Variants in KCNH8 observed in about 807,000 individuals in gnomAD.
KCNH8 encodes voltage-gated delayed rectifier potassium channel KCNH8.
Under a neutral mutation model 103.6 loss-of-function variants are expected in KCNH8, and 70 were observed. The observed-to-expected ratio is 0.68, with a 90% CI of 0.56 to 0.82. KCNH8 has a LOEUF of 0.82. Ranked by LOEUF, KCNH8 falls within the 40% of genes least tolerant of loss-of-function variation. The pLI, the probability that KCNH8 is intolerant of heterozygous loss-of-function variation, is 0.00. For synonymous variants in KCNH8, 498 were observed against 489.4 expected (o/e 1.02, Z -0.23); for missense variants, 1,217 against 1,329.9 (o/e 0.92, Z 1.32).
At chr3:19,413,929 A>G (rs1225287263) in intron 7 of KCNH8, among the ~76,000 whole-genome samples, 1 of 152,136 alleles carries the variant, frequency 6.6e-6, no homozygotes. Context: ...TTAAGTGTCA[A>G]CCATTGATAT....
rs776722528 is a variant in KCNH8, at chr3:19,496,348, ATTATT to A, written c.2041-14011_2041-14007del. 7.0e-4 allele frequency among the ~76,000 whole-genome samples: 106 copies of A among 152,270 alleles called. No individual in the cohort carries two copies. The Middle Eastern group carries it at 0.014, about 20-fold the overall frequency. The stretch of plus-strand genomic sequence containing the variant: ...TGTGGATTTGTTATAGATGGCTCTT[ATTATT>A]TTAAAGTATATTCCTTCAATGACTA... On this transcript the variant is annotated intron_variant, in intron 11 of 15. Coordinates refer to ENST00000328405, the MANE Select transcript of KCNH8 (RefSeq NM_144633.3).
intron 7 of KCNH8, among the ~76,000 whole-genome samples, chr3:19,421,263 G>C (rs1243486272): frequency 6.6e-6 from 1 of 151,952 alleles, no homozygotes; most frequent in African/African-American, 2.4e-5. Context: ...AAAAATCTTT[G>C]TTTGACCAAA....
At chr3:19,451,050 C>G in intron 9 of KCNH8, 105 bp from the exon 10 acceptor site, 1 of 1,120,774 alleles carries the variant, frequency 8.9e-7, no homozygotes, top group Non-Finnish European at 1.3e-6. Flanking sequence ...GCTGGATGGC[C>G]AAACAGCAGG....
rs1228984395 is a variant in KCNH8 at position 19,533,859 on chromosome 3, A to AACTC, written c.3085_3088dup (p.Leu1030HisfsTer74). 3.7e-6 allele frequency: 6 copies of AACTC among 1,614,038 alleles called. No homozygotes were observed. The highest frequency in any genetic ancestry group is 5.1e-6 in the Non-Finnish European group (6 of 1,180,002). Reference sequence around the variant, plus strand: ...TGACGCCTCTGCAGTCCATTTCAGCAACTCTCTCATCTTCTGTCTGCTCCT... The same window carrying AACTC: ...TGACGCCTCTGCAGTCCATTTCAGCAACTCACTCTCTCATCTTCTGTCTGCTCCT... On this transcript the variant is annotated frameshift_variant, in exon 16 of 16. Transcript: ENST00000328405. LOFTEE classifies it high-confidence loss of function.
chr3:19,487,267 C>T (rs2068230161), intron 11 of KCNH8, among the ~76,000 whole-genome samples: 1 of 152,148 alleles, frequency 6.6e-6, no homozygotes, highest in Non-Finnish European at 1.5e-5. Flanking sequence ...CTTTTAAGTC[C>T]AGACAGGTAA....
chr3:19,354,089 AACAG>A (rs1463100279), intron 5 of KCNH8, among the ~76,000 whole-genome samples: 3 of 151,300 alleles, frequency 2.0e-5, no homozygotes, highest in African/African-American at 7.3e-5. Context: ...ATACACCAAT[AACAG>A]ACAGAGAGCC....
At chr3:19,158,424 A>G (rs1158392640) in intron 1 of KCNH8, among the ~76,000 whole-genome samples, 1 of 151,666 alleles carries the variant, frequency 6.6e-6, no homozygotes, top group Non-Finnish European at 1.5e-5. Context: ...TATTTGACTA[A>G]TTGTACTTAT....
chr3:19,470,209 A>T (rs1479715726), intron 11 of KCNH8, among the ~76,000 whole-genome samples: 1 of 152,184 alleles, frequency 6.6e-6, no homozygotes, highest in African/African-American at 2.4e-5. Flanking sequence ...TATAGCATTA[A>T]AAGAAGGGGA....
chr3:19,386,089 C>T (rs550959271), intron 5 of KCNH8, among the ~76,000 whole-genome samples: 2 of 152,080 alleles, frequency 1.3e-5, no homozygotes, highest in Non-Finnish European at 2.9e-5. Flanking sequence ...TTTCTAGTTA[C>T]ATAGTTCTTG....
intron 1 of KCNH8, among the ~76,000 whole-genome samples, chr3:19,242,590 A>G (rs2064156284): frequency 6.6e-6 from 1 of 152,192 alleles, no homozygotes; most frequent in Non-Finnish European, 1.5e-5. Flanking sequence ...ATAGAAATCA[A>G]TTATATACTT....
chr3:19,181,439 T>A (rs2125202643), intron 1 of KCNH8, among the ~76,000 whole-genome samples: 1 of 152,136 alleles, frequency 6.6e-6, no homozygotes, highest in African/African-American at 2.4e-5. Flanking sequence ...AAAACAAGCT[T>A]GGGTTTCTGA....
intron 1 of KCNH8, among the ~76,000 whole-genome samples, chr3:19,175,261 A>G (rs1468590425): frequency 1.4e-4 from 20 of 144,264 alleles, no homozygotes; most frequent in Admixed American, 2.1e-4. Flanking sequence ...TCGCTCTGTC[A>G]CCCAGGCTGG....
In KCNH8 at chr3:19,245,894, G is replaced by C. The variant is rs146274856; in HGVS notation, c.77-7760G>C. The stretch of plus-strand genomic sequence containing the variant: ...AGTAATATCATTAGCAAAGGAGATA[G>C]TTTGACTTATTTTCCCATTTGAATA... On this transcript the variant is annotated intron_variant, in intron 1 of 15. Coordinates refer to ENST00000328405, the MANE Select transcript of KCNH8 (RefSeq NM_144633.3). Among the ~76,000 whole-genome samples, 127 of 152,240 alleles carry C rather than the reference G, an allele frequency of 8.3e-4. 2 individuals carry two copies. In the East Asian group the frequency reaches 0.022, roughly 27 times the overall value.
intron 7 of KCNH8, among the ~76,000 whole-genome samples, chr3:19,413,307 C>T (rs1045127172): frequency 3.3e-5 from 5 of 151,748 alleles, no homozygotes; most frequent in Admixed American, 2.6e-4. Flanking sequence ...TACATGTTCT[C>T]ATAAGTAGGA....
At chr3:19,412,303 C>T (rs545829352) in intron 7 of KCNH8, among the ~76,000 whole-genome samples, 152 of 152,044 alleles carry the variant, frequency 1.0e-3, no homozygotes, top group African/African-American at 3.5e-3. Flanking sequence ...AAAAGACTCC[C>T]TATTCAGTAA....
At chr3:19,287,636 A>T (rs1575497109) in intron 3 of KCNH8, among the ~76,000 whole-genome samples, 1 of 152,156 alleles carries the variant, frequency 6.6e-6, no homozygotes, top group East Asian at 1.9e-4. Context: ...GCCAGGCTGG[A>T]GTGCAGTGGC....
chr3:19,389,151 C>G (rs1244828498), intron 5 of KCNH8, among the ~76,000 whole-genome samples: 1 of 152,126 alleles, frequency 6.6e-6, no homozygotes, highest in Admixed American at 6.6e-5. Flanking sequence ...TGCTGCATAG[C>G]AAACTTATCA....
intron 2 of KCNH8, among the ~76,000 whole-genome samples, chr3:19,279,433 T>G (rs900557764): frequency 3.3e-5 from 5 of 152,098 alleles, no homozygotes; most frequent in Non-Finnish European, 7.4e-5. Context: ...TCGACTTCCC[T>G]ATCGTTTCAT....
chr3:19,234,286 A>T lies in KCNH8; in HGVS notation c.77-19368A>T, dbSNP rs533647250. The stretch of plus-strand genomic sequence containing the variant: ...TGCCAGTCCCGCGCTGTGGGCCGGC[A>T]CTCCTCAGGCCTTGGGTGGTCCATG... On this transcript the variant is annotated intron_variant, in intron 1 of 15. Transcript: ENST00000328405. Among the ~76,000 whole-genome samples, 149 of 151,946 alleles carry T rather than the reference A, an allele frequency of 9.8e-4. 2 individuals are homozygous for T. The East Asian group carries it at 0.027, about 27-fold the overall frequency.
Sources: gnomAD v4.1 joint callset for allele counts (sites outside exome capture counted in the v4.1 genomes callset) on GRCh38, gnomAD v4.1.1 for gene constraint, MANE v1.5 for transcripts, NCBI Gene and HGNC (gene_info 2026-07-23, HGNC 2026-07-21) for gene names.